The following FHAD1 variants were observed in gnomAD, a reference collection of about 807,000 sequenced individuals.
FHAD1 encodes forkhead associated phosphopeptide binding domain 1.
A neutral mutation model predicts 191.3 loss-of-function variants in FHAD1; 146 were observed. That is an observed-to-expected ratio of 0.76 (90% CI 0.67 to 0.88). The LOEUF is 0.88. Ranked by LOEUF, FHAD1 falls within the 40% of genes least tolerant of loss-of-function variation. FHAD1 has a pLI of 0.00. For synonymous variants in FHAD1, 616 were observed against 672.3 expected, an observed-to-expected ratio of 0.92 and a Z score of 1.29; for missense variants, 1,635 against 1,785.8, an observed-to-expected ratio of 0.92 and a Z score of 1.52.
chr1:15,278,644 T>C (rs991296764), intron 3 of FHAD1, among the ~76,000 whole-genome samples: 1 of 152,056 alleles, frequency 6.6e-6, no homozygotes, highest in Non-Finnish European at 1.5e-5. Context: ...CAGCTAATTT[T>C]TGTATTTTTA....
chr1:15,283,852 C>T (rs1425318459), intron 3 of FHAD1, among the ~76,000 whole-genome samples: 2 of 152,218 alleles, frequency 1.3e-5, no homozygotes, highest in African/African-American at 4.8e-5. Flanking sequence ...TTCTCATTTT[C>T]ATTTTTTAAC....
intron 3 of FHAD1, among the ~76,000 whole-genome samples, chr1:15,278,967 C>G (rs1327494824): frequency 6.6e-6 from 1 of 151,640 alleles, no homozygotes. Context: ...GAATGTTTTC[C>G]CTGGGATAAC....
At chr1:15,353,074 C>T in intron 20 of FHAD1, 90 bp downstream of exon 20, 1 of 919,948 alleles carries the variant, frequency 1.1e-6, no homozygotes, top group Admixed American at 2.4e-5. Flanking sequence ...AATCCTACCT[C>T]TCCCCATCCC....
At chr1:15,346,035 C>T (rs915675186) in intron 18 of FHAD1, among the ~76,000 whole-genome samples, 2 of 152,134 alleles carry the variant, frequency 1.3e-5, no homozygotes, top group Non-Finnish European at 2.9e-5. Context: ...ATCAGTCCTC[C>T]GCCCTCCCCT....
intron 26 of FHAD1, 39 bp from the exon 27 acceptor site, chr1:15,374,463 A>G (rs1020740281): frequency 7.7e-6 from 12 of 1,549,762 alleles, no homozygotes; most frequent in South Asian, 1.2e-5. Flanking sequence ...AAATCTTCTA[A>G]TCCCTGATCA....
At position 15,397,636 on chromosome 1, in the gene FHAD1, TATG is replaced by T; in HGVS notation, c.*225_*227del. The T allele has an allele frequency of 3.0e-6, 1 of 333,006 alleles. No homozygotes were observed. The highest frequency in any genetic ancestry group is 5.4e-6 in the Non-Finnish European group (1 of 184,192). 20.6% of individuals were successfully genotyped at this position (333,006 alleles called of 1,614,324 possible). ...CTATGAATGTACACGAACTCAGGTA[TATG>T]AAGAATAGAAGTGTGTAACCCAGAT... On this transcript the variant is annotated 3_prime_UTR_variant, in exon 34 of 34. Transcript: ENST00000688493.
At chr1:15,368,900 T>C (rs2102803296) in intron 25 of FHAD1, among the ~76,000 whole-genome samples, 1 of 152,094 alleles carries the variant, frequency 6.6e-6, no homozygotes, top group South Asian at 2.1e-4. Context: ...ATCACACCAT[T>C]GCACTCCAGC....
intron 33 of FHAD1, among the ~76,000 whole-genome samples, chr1:15,395,307 CAAAAAA>C (rs34527814): frequency 9.9e-6 from 1 of 101,434 alleles, no homozygotes. Context: ...GACTCCATCT[CAAAAAA>C]AAAAAAAAAA....
chr1:15,359,100 G>C (rs955208339), intron 21 of FHAD1, among the ~76,000 whole-genome samples: 1 of 152,100 alleles, frequency 6.6e-6, no homozygotes, highest in Non-Finnish European at 1.5e-5. Context: ...ATGGCATAGG[G>C]ACGACATAAG....
At position 15,381,939 on chromosome 1, in the gene FHAD1, T is replaced by C; in HGVS notation, c.4023-89T>C. 17 of 1,402,150 alleles carry C rather than the reference T, an allele frequency of 1.2e-5. No individual in the cohort carries two copies. The highest frequency in any genetic ancestry group is 1.8e-4 in the Middle Eastern group (1 of 5,496). 86.9% of individuals were successfully genotyped at this position (1,402,150 alleles called of 1,614,324 possible). ...CTCCTGAGTGAGCCCCCACTGTGGA[T>C]GTATTTTGAGAGACTTCCGGGTCTG... On this transcript the variant is annotated intron_variant, in intron 30 of 33. Transcript: ENST00000688493. The surrounding 1 kb of genome is among the most constrained non-coding windows in gnomAD (Gnocchi z 4.6).
intron 3 of FHAD1, among the ~76,000 whole-genome samples, chr1:15,287,708 G>A (rs1662991871): frequency 6.6e-6 from 1 of 152,138 alleles, no homozygotes; most frequent in Non-Finnish European, 1.5e-5. Flanking sequence ...GGAGTTTGGT[G>A]CCAGATTTCC....
chr1:15,275,182 T>G (rs1194329557), intron 3 of FHAD1, among the ~76,000 whole-genome samples: 1 of 152,140 alleles, frequency 6.6e-6, no homozygotes, highest in Non-Finnish European at 1.5e-5. Context: ...CAGGATGGTC[T>G]CGATCTCCTG....
chr1:15,326,682 A>G (rs979591665), intron 11 of FHAD1: 7 of 169,058 alleles, frequency 4.1e-5, no homozygotes, highest in South Asian at 3.6e-4. Flanking sequence ...ATTTACTTGG[A>G]CTGACAGCCT....
At chr1:15,294,001 G>C (rs1666023189) in intron 4 of FHAD1, among the ~76,000 whole-genome samples, 1 of 152,170 alleles carries the variant, frequency 6.6e-6, no homozygotes, top group Non-Finnish European at 1.5e-5. Flanking sequence ...GGTGTCATCT[G>C]GGTGGGGAAG....
chr1:15,341,758 A>G lies in FHAD1; in HGVS notation c.2000A>G (p.Glu667Gly), dbSNP rs1315369698. The change falls in exon 16 of 34, where the codon GAA becomes GGA. Residue 667 changes from glutamate (E) to glycine (G), a missense_variant. Transcript: ENST00000688493. ...ELQIKFNSSQETQQSLLQEKL... is the reference protein window; with the variant it reads ...ELQIKFNSSQGTQQSLLQEKL... Reference sequence around the variant, plus strand: ...CAGATCAAGTTCAACAGTTCTCAGGAAACTCAGCAGTCTTTACTGCAGGAA... The same window carrying G: ...CAGATCAAGTTCAACAGTTCTCAGGGAACTCAGCAGTCTTTACTGCAGGAA... 2.6e-6 allele frequency: 4 copies of G among 1,551,032 alleles called. No individual in the cohort carries two copies. Among genetic ancestry groups the G allele is most frequent in the African/African-American group, 2.7e-5 (2 of 73,020 alleles).
intron 3 of FHAD1, among the ~76,000 whole-genome samples, chr1:15,286,672 A>G (rs1285390361): frequency 6.6e-6 from 1 of 152,160 alleles, no homozygotes; most frequent in Non-Finnish European, 1.5e-5. Context: ...GCCAATCACT[A>G]TGGCCACTGA....
chr1:15,280,336 C>G (rs773718618), intron 3 of FHAD1, among the ~76,000 whole-genome samples: 6 of 152,142 alleles, frequency 3.9e-5, no homozygotes, highest in Admixed American at 3.3e-4. Flanking sequence ...AGGGGACCTG[C>G]TGATGTGATG....
At position 15,369,352 on chromosome 1, in the gene FHAD1, T is replaced by G. The variant is rs1367254122; in HGVS notation, c.3315-18T>G. On this transcript the variant is annotated intron_variant, in intron 25 of 33. Transcript: ENST00000688493. The stretch of plus-strand genomic sequence containing the variant: ...TGGTTTCCAGAACCTCGTGCCATCC[T>G]CCTCTTCTCTACCCTAGGGCTTCCC... The G allele has an allele frequency of 6.4e-7, 1 of 1,551,816 alleles. No homozygotes were observed. Among genetic ancestry groups the G allele is most frequent in the South Asian group, 1.2e-5 (1 of 84,042 alleles).
At chr1:15,290,638 C>T (rs769597065) in intron 4 of FHAD1, among the ~76,000 whole-genome samples, 3 of 152,136 alleles carry the variant, frequency 2.0e-5, no homozygotes, top group Non-Finnish European at 4.4e-5. Flanking sequence ...CACCACATAC[C>T]TACCACCCAC....
Sources: gnomAD v4.1 joint callset for allele counts (sites outside exome capture counted in the v4.1 genomes callset) on GRCh38, gnomAD v4.1.1 for gene constraint, Gnocchi (gnomAD v3.1) non-coding constraint, MANE v1.5 for transcripts, NCBI Gene and HGNC (gene_info 2026-07-23, HGNC 2026-07-21) for gene names.